RHOT1: variants seen among roughly 807,000 people sequenced by gnomAD.
RHOT1 encodes the protein ras homolog family member T1.
A neutral mutation model predicts 95.3 loss-of-function variants in RHOT1; 27 were observed. The ratio of observed to expected loss-of-function variants is 0.28; its 90% CI spans 0.21 to 0.39. The LOEUF (loss-of-function observed/expected upper bound fraction) is 0.39, where lower values mean the gene tolerates loss of function less well. RHOT1 is among the 10% of genes least tolerant of loss of function. The pLI, the probability that RHOT1 is intolerant of heterozygous loss-of-function variation, is 1.00. For missense variants in RHOT1, 578 were observed against 786.7 expected (o/e 0.73, Z 3.17); for synonymous variants, 227 against 263.5 (o/e 0.86, Z 1.34).
intron 6 of RHOT1, 75 bp downstream of exon 6, chr17:32,176,288 T>C (rs2034994612): frequency 3.5e-6 from 4 of 1,130,350 alleles, no homozygotes; most frequent in Non-Finnish European, 5.2e-6. Context: ...AAGTAGTACA[T>C]TGAACTTCCC....
rs200439732 is a variant in RHOT1 at position 32,152,591 on chromosome 17, G to GAA, written c.37+9871_37+9872dup. ...TAAAATAAACTTCCACTTCTGCTCT[G>GAA]AAAAAAAAAAGAGAGAGAGAGATGA... is the stretch of plus-strand genomic sequence containing the variant. On this transcript the variant is annotated intron_variant, in intron 1 of 19. Transcript: ENST00000545287. 6.8e-4 allele frequency among the ~76,000 whole-genome samples: 100 copies of GAA among 147,182 alleles called. 3 individuals carry two copies. Among genetic ancestry groups the GAA allele is most frequent in the Admixed American group, 6.5e-3 (96 of 14,758 alleles).
rs572671723 is a variant in RHOT1, at chr17:32,202,851, A to C, written c.1283A>C (p.Asn428Thr). 43 of 1,613,416 alleles carry C rather than the reference A, an allele frequency of 2.7e-5. No homozygotes were observed. The East Asian group carries it at 9.2e-4, about 34-fold the overall frequency. Reference sequence around the variant, plus strand: ...AGATGTAATGTAATTGGAGTGAAAAACTGTGGGAAAAGTGGAGTTCTTCAG... The same window carrying C: ...AGATGTAATGTAATTGGAGTGAAAACCTGTGGGAAAAGTGGAGTTCTTCAG... ...VFRCNVIGVK[N>T]CGKSGVLQAL... Residue 428 changes from asparagine (N) to threonine (T), a missense_variant, in exon 15 of 20, where the codon AAC (asparagine) becomes ACC (threonine). Asn to Thr is a moderately conservative substitution (Grantham distance 65). Coordinates refer to ENST00000545287, the MANE Select transcript of RHOT1 (RefSeq NM_001033566.3).
At position 32,206,906 on chromosome 17, in the gene RHOT1, C is replaced by T; in HGVS notation, c.1417-4C>T. ...TATTTTTCATTATCTTTTTCTTTTA[C>T]AAGTTGCATGATATCTCAGAATCGG... On this transcript the variant is annotated splice_region_variant and splice_polypyrimidine_tract_variant and intron_variant, in intron 16 of 19. Transcript: ENST00000545287. 6.4e-7 allele frequency: 1 copy of T among 1,560,372 alleles called. No individual in the cohort carries two copies. Among genetic ancestry groups the T allele is most frequent in the Non-Finnish European group, 8.8e-7 (1 of 1,137,544 alleles).
intron 1 of RHOT1, among the ~76,000 whole-genome samples, chr17:32,161,325 G>A (rs1282142627): frequency 5.3e-5 from 8 of 152,144 alleles, no homozygotes; most frequent in Non-Finnish European, 1.0e-4. Context: ...ACAAGTTGTG[G>A]GTTCCGGTAG....
At chr17:32,167,907 G>A (rs1376404560) in intron 1 of RHOT1, among the ~76,000 whole-genome samples, 1 of 151,840 alleles carries the variant, frequency 6.6e-6, no homozygotes, top group African/African-American at 2.4e-5. Flanking sequence ...TGGTGGCGTG[G>A]CCTGTGATAC....
intron 8 of RHOT1, among the ~76,000 whole-genome samples, chr17:32,189,680 A>G (rs1257200888): frequency 2.6e-5 from 4 of 151,258 alleles, no homozygotes; most frequent in Non-Finnish European, 5.9e-5. Flanking sequence ...CAAACTTTAA[A>G]TTGCCTATAA....
chr17:32,150,821 G>T lies in RHOT1; in HGVS notation c.37+8092G>T. 5.2e-6 allele frequency: 8 copies of T among 1,533,428 alleles called. No homozygotes were observed. In the South Asian group the frequency reaches 7.3e-5, roughly 14 times the overall value. The allele number at this position is 1,533,428 out of a possible 1,614,324, so 95.0% of individuals were successfully genotyped here. On this transcript the variant is annotated intron_variant, in intron 1 of 19. Coordinates refer to ENST00000545287, the MANE Select transcript of RHOT1 (RefSeq NM_001033566.3). ...GTAGAGTTCCATGCCCAATTGGAAG[G>T]GTCTAAGAGCTGAGGTGGAAGGGAG...
chr17:32,224,497 T>G (rs2039025914), intron 19 of RHOT1, 119 bp from the exon 20 acceptor site: 1 of 590,048 alleles, frequency 1.7e-6, no homozygotes, highest in Non-Finnish European at 3.0e-6. Flanking sequence ...TAAGCATTAC[T>G]GTATGCAGTT....
intron 1 of RHOT1, among the ~76,000 whole-genome samples, chr17:32,153,244 T>C (rs916760902): frequency 7.2e-5 from 11 of 152,350 alleles, no homozygotes; most frequent in Admixed American, 5.9e-4. Context: ...ATCAGGGTCT[T>C]AAGCATATTA....
intron 16 of RHOT1, among the ~76,000 whole-genome samples, chr17:32,205,758 C>T (rs1407634855): frequency 6.6e-6 from 1 of 152,132 alleles, no homozygotes; most frequent in Non-Finnish European, 1.5e-5. Context: ...CTGTCCCGGG[C>T]TGGTCTCAAA....
chr17:32,205,392 AT>A (rs774464958), intron 16 of RHOT1, among the ~76,000 whole-genome samples: 13 of 152,316 alleles, frequency 8.5e-5, no homozygotes, highest in Non-Finnish European at 1.8e-4. Context: ...TTTTAAAAAA[AT>A]ATTTCCTGTA....
Position 32,200,936 on chromosome 17 carries a change from T to C in RHOT1, c.1101-20T>C. The C allele has an allele frequency of 6.4e-7, 1 of 1,569,358 alleles. No homozygotes were observed. The highest frequency in any genetic ancestry group is 1.1e-5 in the South Asian group (1 of 88,938). ...ATTCGTTTAGGAACTTTTCACATTT[T>C]AAACTCTTTTCTTTCATAGGCTCAC... On this transcript the variant is annotated intron_variant, in intron 13 of 19. Coordinates refer to ENST00000545287, the MANE Select transcript of RHOT1 (RefSeq NM_001033566.3).
chr17:32,206,708 C>T (rs2037777586), intron 16 of RHOT1, among the ~76,000 whole-genome samples: 1 of 151,968 alleles, frequency 6.6e-6, no homozygotes, highest in Non-Finnish European at 1.5e-5. Context: ...CCACCTCGGC[C>T]TCCCAAAGTG....
chr17:32,204,210 T>A (rs940333269), intron 16 of RHOT1, among the ~76,000 whole-genome samples: 1 of 152,180 alleles, frequency 6.6e-6, no homozygotes, highest in African/African-American at 2.4e-5. Flanking sequence ...TGTGCCACCA[T>A]GCCAAGCTTG....
chr17:32,219,560 A>G (rs756793693), intron 19 of RHOT1, among the ~76,000 whole-genome samples: 5 of 152,200 alleles, frequency 3.3e-5, no homozygotes, highest in Non-Finnish European at 5.9e-5. Flanking sequence ...GTGACTGTTC[A>G]CAGTTCACAC....
At chr17:32,224,036 G>A (rs930287400) in intron 19 of RHOT1, among the ~76,000 whole-genome samples, 1 of 152,102 alleles carries the variant, frequency 6.6e-6, no homozygotes, top group Non-Finnish European at 1.5e-5. Context: ...TCTTTAATTA[G>A]CAGTAACCAA....
intron 1 of RHOT1, among the ~76,000 whole-genome samples, chr17:32,165,522 CA>C (rs113306708): frequency 0.02 from 2,641 of 134,738 alleles, 25 homozygotes; most frequent in Non-Finnish European, 0.03. Flanking sequence ...GACCCTGTCT[CA>C]AAAAAAAAAA....
intron 6 of RHOT1, among the ~76,000 whole-genome samples, chr17:32,178,479 C>T (rs937457451): frequency 2.0e-5 from 3 of 152,050 alleles, no homozygotes; most frequent in Non-Finnish European, 4.4e-5. Flanking sequence ...GACGGAGTCT[C>T]GCTCACTCAA....
At chr17:32,200,588 G>A (rs1340449400) in intron 13 of RHOT1, among the ~76,000 whole-genome samples, 1 of 151,828 alleles carries the variant, frequency 6.6e-6, no homozygotes, top group Non-Finnish European at 1.5e-5. Context: ...GCGAAACCCT[G>A]TCTCTACTAA....
Sources: gnomAD v4.1 joint callset for allele counts (sites outside exome capture counted in the v4.1 genomes callset) on GRCh38, gnomAD v4.1.1 for gene constraint, MANE v1.5 for transcripts, NCBI Gene and HGNC (gene_info 2026-07-23, HGNC 2026-07-21) for gene names.